Variants in LHFPL3 observed in about 807,000 individuals in gnomAD.
The protein encoded by LHFPL3 is LHFPL tetraspan subfamily member 3.
LHFPL3 carries 5 observed loss-of-function variants against 19.3 expected under a neutral mutation model. The observed-to-expected ratio is 0.26, with a 90% CI of 0.14 to 0.54. LHFPL3 has a LOEUF of 0.54. Among genes scored for constraint, LHFPL3 ranks in the 20% least tolerant of loss-of-function variants. The probability of loss-of-function intolerance (pLI) is 0.94; values close to 1 mark genes in which losing one functional copy is unlikely to be tolerated. For synonymous variants in LHFPL3, 133 were observed against 126.2 expected (o/e 1.05, Z -0.36); for missense variants, 249 against 307.4 (o/e 0.81, Z 1.42).
intron 1 of LHFPL3, chr7:104,669,626 T>G (rs1649123422): frequency 1.3e-6 from 2 of 1,515,632 alleles, no homozygotes; most frequent in Admixed American, 3.4e-5. Context: ...CCTGGAACAT[T>G]CGAGAGCAAA....
At position 104,397,680 on chromosome 7, in the gene LHFPL3, C is replaced by T. The variant is rs796773575; in HGVS notation, c.445+68456C>T. Among the ~76,000 whole-genome samples, 7 of 152,108 alleles carry T rather than the reference C, an allele frequency of 4.6e-5. No homozygotes were observed. The South Asian group carries it at 8.3e-4, about 18-fold the overall frequency. On this transcript the variant is annotated intron_variant, in intron 1 of 2. Transcript: ENST00000424859. ...CTTACTCTCCAGCAGCCCGCTTCTTCAGCAAACACCTCCTGAGTATTTATT... is the reference window on the plus strand; with the variant it reads ...CTTACTCTCCAGCAGCCCGCTTCTTTAGCAAACACCTCCTGAGTATTTATT...
At chr7:104,542,497 A>G (rs1308270515) in intron 1 of LHFPL3, among the ~76,000 whole-genome samples, 1 of 152,056 alleles carries the variant, frequency 6.6e-6, no homozygotes, top group Non-Finnish European at 1.5e-5. Context: ...GCTTTTTGAG[A>G]CTTCCTAAAT....
At chr7:104,361,767 A>G (rs1343654360) in intron 1 of LHFPL3, among the ~76,000 whole-genome samples, 2 of 152,272 alleles carry the variant, frequency 1.3e-5, no homozygotes, top group African/African-American at 2.4e-5. Context: ...GGGTCAAAGT[A>G]GCAAGGGTTT....
At chr7:104,849,065 G>A (rs930888942) in intron 2 of LHFPL3, among the ~76,000 whole-genome samples, 2 of 151,984 alleles carry the variant, frequency 1.3e-5, no homozygotes, top group Non-Finnish European at 2.9e-5. Flanking sequence ...CAAGTAGCTG[G>A]GACTACAGGC....
intron 1 of LHFPL3, among the ~76,000 whole-genome samples, chr7:104,627,718 T>C (rs908533779): frequency 1.3e-5 from 2 of 152,166 alleles, no homozygotes; most frequent in Non-Finnish European, 2.9e-5. Context: ...GTATAACAAA[T>C]TAGTAGAGGT....
At chr7:104,689,977 C>T (rs1792878655) in intron 1 of LHFPL3, among the ~76,000 whole-genome samples, 1 of 152,036 alleles carries the variant, frequency 6.6e-6, no homozygotes, top group African/African-American at 2.4e-5. Context: ...TGGGAAAGGC[C>T]AAATGGATGC....
chr7:104,428,874 T>C (rs1351168728), intron 1 of LHFPL3, among the ~76,000 whole-genome samples: 1 of 152,186 alleles, frequency 6.6e-6, no homozygotes, highest in Non-Finnish European at 1.5e-5. Flanking sequence ...TAGGAAGATA[T>C]CTTCGGAATC....
At chr7:104,572,325 C>G (rs1025469724) in intron 1 of LHFPL3, among the ~76,000 whole-genome samples, 2 of 152,112 alleles carry the variant, frequency 1.3e-5, no homozygotes, top group Non-Finnish European at 2.9e-5. Context: ...CTGTGGTTAG[C>G]CTTTTGGAGA....
chr7:104,804,132 C>G (rs962299098), intron 2 of LHFPL3: 2 of 152,212 alleles, frequency 1.3e-5, no homozygotes, highest in African/African-American at 4.8e-5. Flanking sequence ...TAGAGCATAT[C>G]TTTCCAGGAT....
At chr7:104,408,478 A>G (rs1791463831) in intron 1 of LHFPL3, among the ~76,000 whole-genome samples, 1 of 152,118 alleles carries the variant, frequency 6.6e-6, no homozygotes, top group South Asian at 2.1e-4. Context: ...ACAGTCTTCT[A>G]CAATCCCCAA....
intron 1 of LHFPL3, among the ~76,000 whole-genome samples, chr7:104,595,869 A>G (rs1790841458): frequency 6.6e-6 from 1 of 152,266 alleles, no homozygotes; most frequent in Non-Finnish European, 1.5e-5. Flanking sequence ...CTGCTGAGCC[A>G]GGCATGGGAG....
chr7:104,583,765 C>T (rs1790508855), intron 1 of LHFPL3, among the ~76,000 whole-genome samples: 1 of 151,980 alleles, frequency 6.6e-6, no homozygotes, highest in Admixed American at 6.6e-5. Context: ...GAGATACCAT[C>T]TCACACCAGT....
chr7:104,622,668 A>G lies in LHFPL3; in HGVS notation c.446-114007A>G, dbSNP rs536608117. 5.3e-5 allele frequency among the ~76,000 whole-genome samples: 8 copies of G among 152,246 alleles called. No individual in the cohort carries two copies. The South Asian group carries it at 1.7e-3, about 32-fold the overall frequency. On this transcript the variant is annotated intron_variant, in intron 1 of 2. Transcript: ENST00000424859. Reference sequence around the variant, plus strand: ...TCTGTCTGTCTCTATGGATTTGCCTATTCTAGACTTGAATCATGCAATAAC... The same window carrying G: ...TCTGTCTGTCTCTATGGATTTGCCTGTTCTAGACTTGAATCATGCAATAAC...
intron 2 of LHFPL3, among the ~76,000 whole-genome samples, chr7:104,741,381 T>G (rs1793933505): frequency 6.6e-6 from 1 of 151,616 alleles, no homozygotes; most frequent in Non-Finnish European, 1.5e-5. Context: ...ACACAACTGT[T>G]GTCTTAAAGA....
At chr7:104,671,754 T>G (rs912537603) in intron 1 of LHFPL3, among the ~76,000 whole-genome samples, 12 of 152,208 alleles carry the variant, frequency 7.9e-5, no homozygotes, top group African/African-American at 2.9e-4. Context: ...CCCTATTTAT[T>G]CAGGACCTTC....
intron 1 of LHFPL3, among the ~76,000 whole-genome samples, chr7:104,625,400 G>A (rs1285973501): frequency 2.0e-5 from 3 of 152,132 alleles, no homozygotes; most frequent in East Asian, 1.9e-4. Context: ...AGTGCTGCAC[G>A]CCTCAGTTCC....
At chr7:104,498,932 T>C (rs1447201474) in intron 1 of LHFPL3, among the ~76,000 whole-genome samples, 3 of 152,238 alleles carry the variant, frequency 2.0e-5, no homozygotes, top group East Asian at 3.8e-4. Context: ...CAACCTATTC[T>C]TCCTTTGAAG....
At chr7:104,414,179 G>C (rs739508) in intron 1 of LHFPL3, among the ~76,000 whole-genome samples, 1 of 151,778 alleles carries the variant, frequency 6.6e-6, no homozygotes, top group Non-Finnish European at 1.5e-5. Context: ...ATAGTAGATG[G>C]AGAATCAGAG....
chr7:104,758,584 T>G (rs1190074815), intron 2 of LHFPL3, among the ~76,000 whole-genome samples: 3 of 152,144 alleles, frequency 2.0e-5, no homozygotes, highest in Non-Finnish European at 4.4e-5. Flanking sequence ...ACTGGGAGCT[T>G]TCTGCACCCC....
Sources: allele counts gnomAD v4.1 joint callset (sites outside exome capture counted in the v4.1 genomes callset), GRCh38; gene constraint gnomAD v4.1.1; transcripts MANE v1.5; gene names NCBI Gene and HGNC (gene_info 2026-07-23, HGNC 2026-07-21).